Variants in ANKRD36C observed in about 807,000 individuals in gnomAD.
ANKRD36C encodes the protein ankyrin repeat domain 36C.
A neutral mutation model predicts 276.4 loss-of-function variants in ANKRD36C; 61 were observed. The observed-to-expected ratio is 0.22, with a 90% CI of 0.18 to 0.27. ANKRD36C has a LOEUF of 0.27. Among genes scored for constraint, ANKRD36C ranks in the 10% least tolerant of loss-of-function variants. The pLI is 1.00. For missense variants in ANKRD36C, 1,447 were observed against 2,032.3 expected, an observed-to-expected ratio of 0.71 and a Z score of 5.54; for synonymous variants, 483 against 680.1, an observed-to-expected ratio of 0.71 and a Z score of 4.51.
At chr2:95,928,940 A>G (rs1019582493) in intron 26 of ANKRD36C, 132 bp downstream of exon 26, 1 of 1,395,234 alleles carries the variant, frequency 7.2e-7, no homozygotes, top group African/African-American at 1.4e-5. Context: ...AGAACTCACT[A>G]CAAATGAAGA....
rs571076465 is a variant in ANKRD36C at position 95,922,607 on chromosome 2, G to A, written c.2144-797C>T. 2.6e-5 allele frequency among the ~76,000 whole-genome samples: 4 copies of A among 151,650 alleles called. No homozygotes were observed. In the East Asian group the frequency reaches 7.8e-4, roughly 30 times the overall value. On this transcript the variant is annotated intron_variant, in intron 32 of 66. Coordinates refer to ENST00000456556, the Ensembl canonical transcript of ANKRD36C. The stretch of plus-strand genomic sequence containing the variant: ...TTTGGAAATCACTCCAATATTCATT[G>A]AAAATGACCATTTTAAGAGTCAGTT...
intron 44 of ANKRD36C, chr2:95,897,458 A>C (rs4907220): frequency 1.1e-5 from 17 of 1,508,610 alleles, no homozygotes; most frequent in South Asian, 3.6e-5. Flanking sequence ...GTGGTTGCTC[A>C]GAAGACACTG....
intron 66 of ANKRD36C, 70 bp downstream of exon 86, chr2:95,851,624 A>T (rs1471065411): frequency 1.2e-5 from 15 of 1,290,976 alleles, no homozygotes; most frequent in Non-Finnish European, 1.5e-5. Flanking sequence ...TGGACAAGGG[A>T]TATTTAACCC....
At chr2:95,976,661 T>C (rs1678815607) in intron 6 of ANKRD36C, among the ~76,000 whole-genome samples, 1 of 152,084 alleles carries the variant, frequency 6.6e-6, no homozygotes, top group African/African-American at 2.4e-5. Flanking sequence ...TACAAAAGGG[T>C]TACGCAGGAT....
chr2:95,925,100 T>C (rs1239827667), intron 30 of ANKRD36C, among the ~76,000 whole-genome samples: 1 of 151,652 alleles, frequency 6.6e-6, no homozygotes, highest in Non-Finnish European at 1.5e-5. Context: ...TCCGATCCTC[T>C]TATGTCTTGA....
Position 95,946,667 on chromosome 2 carries a change from A to T in ANKRD36C, c.1363-1493T>A, listed in dbSNP as rs551602461. On this transcript the variant is annotated intron_variant, in intron 17 of 66. Coordinates refer to ENST00000456556, the Ensembl canonical transcript of ANKRD36C. ...AGACTTGGAACCAACCCAAATGTCC[A>T]ACAATGATAGACTGGATTAAGAAAA... is the stretch of plus-strand genomic sequence containing the variant. Among the ~76,000 whole-genome samples, 501 of 151,380 alleles carry T rather than the reference A, an allele frequency of 3.3e-3. 4 individuals are homozygous for T. The highest frequency in any genetic ancestry group is 0.012 in the African/African-American group (483 of 41,208).
At chr2:95,961,554 A>G (rs1678460528) in intron 8 of ANKRD36C, among the ~76,000 whole-genome samples, 2 of 152,098 alleles carry the variant, frequency 1.3e-5, no homozygotes, top group African/African-American at 4.8e-5. Flanking sequence ...GTTATTCTCT[A>G]AAGTATTTTC....
intron 14 of ANKRD36C, among the ~76,000 whole-genome samples, chr2:95,953,193 C>G (rs1678243995): frequency 6.6e-6 from 1 of 152,080 alleles, no homozygotes; most frequent in African/African-American, 2.4e-5. Flanking sequence ...TAAACTCTCT[C>G]TAATACAGAT....
intron 61 of ANKRD36C, 70 bp downstream of exon 81, chr2:95,859,791 C>T (rs1675519131): frequency 1.3e-6 from 2 of 1,511,346 alleles, no homozygotes; most frequent in Non-Finnish European, 1.8e-6. Context: ...TTCGCAATTA[C>T]AAAACTTCTC....
At chr2:95,873,611 AGGGCACAAGACAG>A (rs1205971467) in intron 59 of ANKRD36C, among the ~76,000 whole-genome samples, 1 of 152,020 alleles carries the variant, frequency 6.6e-6, no homozygotes, top group East Asian at 1.9e-4. Context: ...CTGGCACAAG[AGGGCACAAGACAG>A]GGATGCCCTC....
exon 61 of ANKRD36C, chr2:95,859,886 A>T (rs779385692): frequency 6.5e-7 from 1 of 1,549,944 alleles, no homozygotes; most frequent in Non-Finnish European, 8.7e-7. Flanking sequence ...TCTTTTTCCA[A>T]TTCAAGTGTT....
chr2:95,966,473 C>A (rs374110488), intron 6 of ANKRD36C, among the ~76,000 whole-genome samples: 74 of 152,044 alleles, frequency 4.9e-4, no homozygotes, highest in African/African-American at 1.7e-3. Context: ...CAGATGGTGT[C>A]GATGTATGGC....
intron 60 of ANKRD36C, among the ~76,000 whole-genome samples, chr2:95,861,657 T>G (rs1298894698): frequency 2.0e-5 from 3 of 151,754 alleles, no homozygotes; most frequent in Non-Finnish European, 4.4e-5. Flanking sequence ...AGTTGACTAA[T>G]CTAAAGGAAA....
intron 62 of ANKRD36C, 52 bp downstream of exon 82, chr2:95,857,257 A>G: frequency 3.2e-6 from 5 of 1,569,668 alleles, no homozygotes; most frequent in Non-Finnish European, 3.4e-6. Context: ...GAGATGGTAT[A>G]AGTAATATTA....
intron 59 of ANKRD36C, among the ~76,000 whole-genome samples, chr2:95,867,931 A>G (rs944611747): frequency 1.3e-5 from 2 of 152,132 alleles, no homozygotes; most frequent in African/African-American, 4.8e-5. Flanking sequence ...CATTTTACAC[A>G]AGAGATTTTC....
intron 20 of ANKRD36C, 47 bp from the exon 21 acceptor site, chr2:95,939,062 C>A: frequency 9.2e-7 from 1 of 1,089,106 alleles, no homozygotes. Context: ...AAATATGACA[C>A]AGCCTACCAT....
rs1332315957 is a variant in ANKRD36C, at chr2:95,971,705, A to T, written c.799+6417T>A. Reference sequence around the variant, plus strand: ...ATAAATGATTGATTTTTTTAATTTCATAATTATAAACAGAAATTTAACAAA... The same window carrying T: ...ATAAATGATTGATTTTTTTAATTTCTTAATTATAAACAGAAATTTAACAAA... On this transcript the variant is annotated intron_variant, in intron 6 of 66. Transcript: ENST00000456556. Among the ~76,000 whole-genome samples, 3 of 152,112 alleles carry T rather than the reference A, an allele frequency of 2.0e-5. No homozygotes were observed. In the East Asian group the frequency reaches 5.8e-4, roughly 29 times the overall value.
Position 95,882,455 on chromosome 2 carries a change from G to C in ANKRD36C, c.3294+14C>G. 2 of 1,549,608 alleles carry C rather than the reference G, an allele frequency of 1.3e-6. No homozygotes were observed. The highest frequency in any genetic ancestry group is 2.4e-5 in the East Asian group (1 of 40,878). Reference sequence around the variant, plus strand: ...GCAATAAATAATTCAAAATATAAATGAAAGAGTAACTACCTTCTGGGCCGA... The same window carrying C: ...GCAATAAATAATTCAAAATATAAATCAAAGAGTAACTACCTTCTGGGCCGA... On this transcript the variant is annotated intron_variant, in intron 55 of 66. Transcript: ENST00000456556.
intron 32 of ANKRD36C, 149 bp from the exon 33 acceptor site, chr2:95,921,959 A>G: frequency 1.2e-6 from 1 of 829,964 alleles, no homozygotes; most frequent in Non-Finnish European, 1.8e-6. Flanking sequence ...GGAGCATGAC[A>G]GAAATATACT....
Sources: allele counts gnomAD v4.1 joint callset (sites outside exome capture counted in the v4.1 genomes callset), GRCh38; gene constraint gnomAD v4.1.1; transcripts MANE v1.5; gene names NCBI Gene and HGNC (gene_info 2026-07-23, HGNC 2026-07-21).